The following AP2A2 variants were observed in gnomAD, a reference collection of about 807,000 sequenced individuals.
AP2A2 encodes the protein AP-2 complex subunit alpha-2.
Under a neutral mutation model 104.2 loss-of-function variants are expected in AP2A2, and 32 were observed. The observed-to-expected ratio is 0.31, with a 90% CI of 0.23 to 0.41. The LOEUF (loss-of-function observed/expected upper bound fraction) is 0.41, where lower values mean the gene tolerates loss of function less well. Among genes scored for constraint, AP2A2 ranks in the 10% least tolerant of loss-of-function variants. AP2A2 has a pLI of 1.00. For synonymous variants in AP2A2, 539 were observed against 533.3 expected, an observed-to-expected ratio of 1.01 and a Z score of -0.15; for missense variants, 912 against 1,261.0, an observed-to-expected ratio of 0.72 and a Z score of 4.19.
chr11:973,764 C>T (rs961232807), intron 4 of AP2A2, among the ~76,000 whole-genome samples: 5 of 152,168 alleles, frequency 3.3e-5, no homozygotes, highest in African/African-American at 1.2e-4. Flanking sequence ...GCCTCCTGGC[C>T]CTCCCTCTCC....
chr11:937,222 A>T (rs1168312596), intron 1 of AP2A2, among the ~76,000 whole-genome samples: 2 of 151,600 alleles, frequency 1.3e-5, no homozygotes, highest in Non-Finnish European at 2.9e-5. Context: ...GTTTCACTAT[A>T]TTGGCCAGGC....
intron 18 of AP2A2, 119 bp from the exon 19 acceptor site, chr11:1,008,981 G>A (rs1276207179): frequency 1.3e-6 from 1 of 795,042 alleles, no homozygotes; most frequent in Non-Finnish European, 2.0e-6. Flanking sequence ...TCGGCCCCCC[G>A]ACCCGCTCTG....
At chr11:975,618 C>T (rs1476805763) in intron 4 of AP2A2, among the ~76,000 whole-genome samples, 1 of 149,310 alleles carries the variant, frequency 6.7e-6, no homozygotes, top group East Asian at 2.1e-4. Flanking sequence ...TCGTGTGAGC[C>T]GACGTCGGAG....
chr11:998,383 C>G (rs1855925953), intron 14 of AP2A2, among the ~76,000 whole-genome samples: 1 of 133,014 alleles, frequency 7.5e-6, no homozygotes, highest in Admixed American at 7.3e-5. Context: ...GCATAACACA[C>G]TTTGTGATGC....
At chr11:982,721 G>C (rs1366226272) in intron 6 of AP2A2, among the ~76,000 whole-genome samples, 1 of 151,604 alleles carries the variant, frequency 6.6e-6, no homozygotes, top group Non-Finnish European at 1.5e-5. Context: ...TACGATCTCG[G>C]CTCACCATAA....
intron 1 of AP2A2, chr11:940,850 T>A: frequency 2.2e-6 from 1 of 456,294 alleles, no homozygotes; most frequent in South Asian, 1.5e-5. Flanking sequence ...GCCTGAATGC[T>A]GGTTCAGTTC....
At chr11:967,525 C>T (rs2134603842) in intron 2 of AP2A2, among the ~76,000 whole-genome samples, 1 of 152,060 alleles carries the variant, frequency 6.6e-6, no homozygotes, top group East Asian at 2.0e-4. Flanking sequence ...CCACGCCCGG[C>T]TTATTTTTGT....
At chr11:966,795 TTCAGG>T (rs1481076707) in intron 2 of AP2A2, among the ~76,000 whole-genome samples, 1 of 152,090 alleles carries the variant, frequency 6.6e-6, no homozygotes, top group Non-Finnish European at 1.5e-5. Context: ...TTTCCCAACT[TTCAGG>T]TCAAGAGAAG....
chr11:940,659 A>T (rs764266569), intron 1 of AP2A2: 1 of 364,132 alleles, frequency 2.7e-6, no homozygotes, highest in Non-Finnish European at 5.4e-6. Context: ...CCTTCTGTGC[A>T]TTGTCTCATT....
rs768056290 is a variant in AP2A2 at position 985,453 on chromosome 11, G to A, written c.833G>A (p.Arg278His). Residue 278 changes from arginine (R) to histidine (H), a missense_variant, in exon 8 of 22, where the codon CGC becomes CAC. Coordinates refer to ENST00000448903, the MANE Select transcript of AP2A2 (RefSeq NM_012305.4). ...CCAGAAGACCCTGCAGTGCGAGGCC[G>A]CCTGACTGAGTGCCTGGAGACCATC... ...YPPPDPAVRG[R>H]LTECLETILN... 3.7e-6 allele frequency: 6 copies of A among 1,613,938 alleles called. No homozygotes were observed. Among genetic ancestry groups the A allele is most frequent in the South Asian group, 1.1e-5 (1 of 91,086 alleles).
Position 992,977 on chromosome 11 carries a change from C to G in AP2A2, c.1452+292C>G, listed in dbSNP as rs1043373811. On this transcript the variant is annotated intron_variant, in intron 11 of 21. Transcript: ENST00000448903. The surrounding 1 kb of genome is among the most constrained non-coding windows in gnomAD (Gnocchi z 6.4). Reference sequence around the variant, plus strand: ...ATGCCGTGGTGGGGCCTGCCCTGTCCGTCGGAGAGGGTTAGGCCACCGGCA... The same window carrying G: ...ATGCCGTGGTGGGGCCTGCCCTGTCGGTCGGAGAGGGTTAGGCCACCGGCA... Among the ~76,000 whole-genome samples, 2 of 152,140 alleles carry G rather than the reference C, an allele frequency of 1.3e-5. No individual in the cohort carries two copies. The highest frequency in any genetic ancestry group is 1.3e-4 in the Admixed American group (2 of 15,286).
chr11:999,748 G>A (rs1275369844), intron 14 of AP2A2, among the ~76,000 whole-genome samples: 1 of 151,834 alleles, frequency 6.6e-6, no homozygotes, highest in Non-Finnish European at 1.5e-5. Context: ...TTCATCTTTG[G>A]AAGCTTACTT....
At chr11:998,054 GC>G (rs1467746582) in intron 14 of AP2A2, among the ~76,000 whole-genome samples, 1 of 152,246 alleles carries the variant, frequency 6.6e-6, no homozygotes, top group Non-Finnish European at 1.5e-5. Context: ...GGCTTCCCAC[GC>G]AGCTCACAGC....
chr11:936,098 G>A (rs761520664), intron 1 of AP2A2, among the ~76,000 whole-genome samples: 136 of 148,488 alleles, frequency 9.2e-4, no homozygotes, highest in African/African-American at 1.5e-3. Flanking sequence ...TAGTAGAGAT[G>A]GGGTTTCACC....
intron 1 of AP2A2, among the ~76,000 whole-genome samples, chr11:931,943 C>T (rs1853304577): frequency 6.6e-6 from 1 of 151,566 alleles, no homozygotes. Context: ...AGCTGGGGCT[C>T]CGCCACCACC....
chr11:964,651 AT>A (rs1056986894), intron 2 of AP2A2, among the ~76,000 whole-genome samples: 8 of 151,372 alleles, frequency 5.3e-5, no homozygotes, highest in East Asian at 1.9e-4. Context: ...CACTTTTCCT[AT>A]TTTTTTTTAA....
chr11:931,905 G>GTGATTCT lies in AP2A2; in HGVS notation c.67+5820_67+5826dup, dbSNP rs1384552742. On this transcript the variant is annotated intron_variant, in intron 1 of 21. Coordinates refer to ENST00000448903, the MANE Select transcript of AP2A2 (RefSeq NM_012305.4). Reference sequence around the variant, plus strand: ...TGCAACCTCTGCCTCCTGGGTCCAAGTGATTCTTGTGCCTCAGCCTCCTGA... The same window carrying GTGATTCT: ...TGCAACCTCTGCCTCCTGGGTCCAAGTGATTCTTGATTCTTGTGCCTCAGCCTCCTGA... Among the ~76,000 whole-genome samples the GTGATTCT allele has an allele frequency of 2.6e-5, 4 of 151,110 alleles. No homozygotes were observed. The East Asian group carries it at 7.8e-4, about 29-fold the overall frequency.
chr11:977,163 A>T lies in AP2A2; in HGVS notation c.542A>T (p.Asp181Val). The T allele has an allele frequency of 6.2e-7, 1 of 1,613,186 alleles. No homozygotes were observed. The highest frequency in any genetic ancestry group is 8.5e-7 in the Non-Finnish European group (1 of 1,179,438). ...CTGCGCCTGTACAGGACGTCCCCCG[A>T]TCTTGTCCCCATGGGCGACTGGACA... is the stretch of plus-strand genomic sequence containing the variant. Reference protein sequence around the residue: ...CLLRLYRTSPDLVPMGDWTSR... With the variant: ...CLLRLYRTSPVLVPMGDWTSR... Residue 181 changes from aspartate to valine, a missense_variant, in exon 5 of 22, where the codon GAT (aspartate) becomes GTT (valine). Coordinates refer to ENST00000448903, the MANE Select transcript of AP2A2 (RefSeq NM_012305.4).
At chr11:999,525 T>C (rs1855959836) in intron 14 of AP2A2, among the ~76,000 whole-genome samples, 1 of 152,126 alleles carries the variant, frequency 6.6e-6, no homozygotes, top group Non-Finnish European at 1.5e-5. Context: ...GACAGTCTCT[T>C]GCTATGTTGC....
Sources: gnomAD v4.1 joint callset for allele counts (sites outside exome capture counted in the v4.1 genomes callset) on GRCh38, gnomAD v4.1.1 for gene constraint, Gnocchi (gnomAD v3.1) non-coding constraint, MANE v1.5 for transcripts, NCBI Gene and HGNC (gene_info 2026-07-23, HGNC 2026-07-21) for gene names.